PPARGC1A: variants seen among roughly 807,000 people sequenced by gnomAD.
PPARGC1A encodes peroxisome proliferator-activated receptor gamma coactivator 1-alpha.
A neutral mutation model predicts 88.7 loss-of-function variants in PPARGC1A; 25 were observed. That is an observed-to-expected ratio of 0.28 (90% CI 0.21 to 0.39). The LOEUF (loss-of-function observed/expected upper bound fraction) is 0.39, where lower values mean the gene tolerates loss of function less well. PPARGC1A is among the 10% of genes least tolerant of loss of function. The probability of loss-of-function intolerance (pLI) is 1.00; values close to 1 mark genes in which losing one functional copy is unlikely to be tolerated. For missense variants in PPARGC1A, 880 were observed against 968.7 expected (o/e 0.91, Z 1.22); for synonymous variants, 363 against 355.6 (o/e 1.02, Z -0.24).
At chr4:24,236,535 T>G in the PPARGC1A span, among the ~76,000 whole-genome samples, 1 of 152,154 alleles carries the variant, frequency 6.6e-6, no homozygotes, top group African/African-American at 2.4e-5. Flanking sequence ...ACCTCATCTA[T>G]CCCACTGCAC....
the PPARGC1A span, among the ~76,000 whole-genome samples, chr4:24,176,392 C>T: frequency 6.6e-6 from 1 of 151,890 alleles, no homozygotes; most frequent in African/African-American, 2.4e-5. Context: ...AGTCCTGCCA[C>T]ACAACAAAAA....
chr4:24,304,568 G>A, the PPARGC1A span, among the ~76,000 whole-genome samples: 1 of 152,256 alleles, frequency 6.6e-6, no homozygotes, highest in East Asian at 1.9e-4. Flanking sequence ...AAACCCAGGT[G>A]GTCTGGCTCC....
At chr4:24,332,437 T>C in the PPARGC1A span, among the ~76,000 whole-genome samples, 1 of 152,184 alleles carries the variant, frequency 6.6e-6, no homozygotes, top group East Asian at 1.9e-4. Flanking sequence ...TTGCTCACTA[T>C]GGTAAACACA....
the PPARGC1A span, among the ~76,000 whole-genome samples, chr4:24,360,182 C>A: frequency 6.6e-6 from 1 of 152,186 alleles, no homozygotes; most frequent in African/African-American, 2.4e-5. Context: ...CAAAAGGCTC[C>A]TAATGGGTCT....
the PPARGC1A span, among the ~76,000 whole-genome samples, chr4:23,990,684 C>A: frequency 1.0e-5 from 1 of 98,288 alleles, no homozygotes; most frequent in Admixed American, 1.3e-4. Flanking sequence ...ATGCAGCCAT[C>A]CTGACGTGGG....
At chr4:24,274,636 A>T in the PPARGC1A span, among the ~76,000 whole-genome samples, 5 of 152,196 alleles carry the variant, frequency 3.3e-5, no homozygotes, top group African/African-American at 1.2e-4. Context: ...TGCAAAAACC[A>T]TTCTTAACTG....
At chr4:24,048,190 T>A in the PPARGC1A span, among the ~76,000 whole-genome samples, 1 of 152,202 alleles carries the variant, frequency 6.6e-6, no homozygotes, top group African/African-American at 2.4e-5. Context: ...TCCATTTATC[T>A]TTTTCGTCAC....
At chr4:24,083,202 G>A in the PPARGC1A span, among the ~76,000 whole-genome samples, 1 of 152,110 alleles carries the variant, frequency 6.6e-6, no homozygotes, top group Non-Finnish European at 1.5e-5. Context: ...TTGATACATA[G>A]CTCTGATTCC....
the PPARGC1A span, among the ~76,000 whole-genome samples, chr4:24,248,274 G>A: frequency 6.6e-6 from 1 of 152,032 alleles, no homozygotes; most frequent in African/African-American, 2.4e-5. Context: ...ACAGGCGCCC[G>A]CCACCACGCC....
At chr4:24,111,640 A>G in the PPARGC1A span, among the ~76,000 whole-genome samples, 1 of 152,250 alleles carries the variant, frequency 6.6e-6, no homozygotes, top group African/African-American at 2.4e-5. Flanking sequence ...ACTATTTAAC[A>G]GCAGTAGTAA....
At chr4:24,145,765 A>C in the PPARGC1A span, among the ~76,000 whole-genome samples, 2 of 152,252 alleles carry the variant, frequency 1.3e-5, no homozygotes, top group Admixed American at 1.3e-4. Flanking sequence ...AACGAATAGC[A>C]AATTTAATAG....
At chr4:24,411,346 T>A in the PPARGC1A span, among the ~76,000 whole-genome samples, 1 of 152,216 alleles carries the variant, frequency 6.6e-6, no homozygotes, top group Admixed American at 6.5e-5. Context: ...ACTAACATTA[T>A]TTTTCAATAG....
At chr4:23,930,705 C>A in the PPARGC1A span, among the ~76,000 whole-genome samples, 3 of 152,156 alleles carry the variant, frequency 2.0e-5, no homozygotes, top group African/African-American at 7.2e-5. Context: ...TTCTTTTTTC[C>A]TACCCAGACT....
the PPARGC1A span, among the ~76,000 whole-genome samples, chr4:24,000,308 T>G: frequency 6.6e-6 from 1 of 152,176 alleles, no homozygotes; most frequent in Non-Finnish European, 1.5e-5. Context: ...GCTCAGATGT[T>G]AACACCTTCT....
the PPARGC1A span, among the ~76,000 whole-genome samples, chr4:24,387,030 T>C: frequency 2.6e-5 from 4 of 152,022 alleles, no homozygotes; most frequent in Non-Finnish European, 5.9e-5. Flanking sequence ...ATGGTACTGG[T>C]TCCAAAACAG....
the PPARGC1A span, among the ~76,000 whole-genome samples, chr4:24,433,663 T>A: frequency 6.6e-6 from 1 of 152,176 alleles, no homozygotes; most frequent in Non-Finnish European, 1.5e-5. Context: ...CGGGGTAATG[T>A]GGGATGCTAT....
the PPARGC1A span, among the ~76,000 whole-genome samples, chr4:24,410,582 G>A: frequency 6.6e-6 from 1 of 152,218 alleles, no homozygotes; most frequent in Non-Finnish European, 1.5e-5. Flanking sequence ...CTGTTAGGAT[G>A]TTGCCAAAGG....
the PPARGC1A span, among the ~76,000 whole-genome samples, chr4:24,028,867 TA>T: frequency 6.6e-6 from 1 of 152,186 alleles, no homozygotes; most frequent in Non-Finnish European, 1.5e-5. Context: ...CTAATAATAA[TA>T]AAACAATAAG....
At chr4:24,126,065 T>C in the PPARGC1A span, among the ~76,000 whole-genome samples, 1 of 152,102 alleles carries the variant, frequency 6.6e-6, no homozygotes, top group East Asian at 1.9e-4. Context: ...GAAAAGAAAA[T>C]TGAGGATCAG....
Sources: allele counts gnomAD v4.1 joint callset (sites outside exome capture counted in the v4.1 genomes callset), GRCh38; gene constraint gnomAD v4.1.1; transcripts MANE v1.5; gene names NCBI Gene and HGNC (gene_info 2026-07-23, HGNC 2026-07-21).